Variants in MALRD1 observed in about 807,000 individuals in gnomAD.
MALRD1 encodes the protein MAM and LDL receptor class A domain containing 1, also known as MAM and LDL-receptor class A domain-containing protein 1.
A neutral mutation model predicts 242.1 loss-of-function variants in MALRD1; 247 were observed. The observed-to-expected ratio is 1.02, with a 90% CI of 0.92 to 1.13. The LOEUF is 1.13. MALRD1 is among the 50% of genes most tolerant of loss of function. The probability of loss-of-function intolerance (pLI) is 0.00; values close to 1 mark genes in which losing one functional copy is unlikely to be tolerated. For missense variants in MALRD1, 2,989 were observed against 2,533.1 expected (o/e 1.18, Z -3.86); for synonymous variants, 995 against 866.6 (o/e 1.15, Z -2.60).
At chr10:19,282,706 G>A (rs1013883855) in intron 20 of MALRD1, among the ~76,000 whole-genome samples, 1 of 152,160 alleles carries the variant, frequency 6.6e-6, no homozygotes, top group African/African-American at 2.4e-5. Context: ...GATCATGCAA[G>A]CAATGAAATT....
intron 29 of MALRD1, among the ~76,000 whole-genome samples, chr10:19,468,105 A>C (rs1401221419): frequency 2.7e-5 from 1 of 37,654 alleles, no homozygotes; most frequent in Non-Finnish European, 4.4e-5. Flanking sequence ...AGATACTTTA[A>C]AACAAAAAAA....
At chr10:19,462,454 G>A (rs769233343) in intron 29 of MALRD1, among the ~76,000 whole-genome samples, 9 of 152,206 alleles carry the variant, frequency 5.9e-5, no homozygotes, top group African/African-American at 1.2e-4. Flanking sequence ...GGATCAATCC[G>A]AGTGTTTGCC....
chr10:19,516,340 C>A (rs555073152), intron 31 of MALRD1, among the ~76,000 whole-genome samples: 1 of 152,188 alleles, frequency 6.6e-6, no homozygotes, highest in South Asian at 2.1e-4. Context: ...TTTTGGCAAT[C>A]CTGTAAGCTG....
chr10:19,664,584 CT>C (rs1466915342), intron 36 of MALRD1, among the ~76,000 whole-genome samples: 3 of 151,896 alleles, frequency 2.0e-5, no homozygotes, highest in African/African-American at 7.2e-5. Context: ...AGAATAACAT[CT>C]TTCTTTAAAT....
chr10:19,604,238 A>G (rs1037604539), intron 34 of MALRD1, among the ~76,000 whole-genome samples: 2 of 152,182 alleles, frequency 1.3e-5, no homozygotes, highest in African/African-American at 4.8e-5. Context: ...GTGGATATGG[A>G]GAAAGTTTTG....
intron 19 of MALRD1, among the ~76,000 whole-genome samples, 177 bp downstream of exon 19, chr10:19,257,948 C>A (rs10508582): frequency 0.3 from 45,028 of 151,906 alleles, 6,850 homozygotes; most frequent in African/African-American, 0.35. Context: ...AATTAGTTTT[C>A]AAGTGTCAAA....
chr10:19,423,818 AGCAGGGAGGCTGATT>A (rs1833802567), intron 28 of MALRD1, among the ~76,000 whole-genome samples: 1 of 152,196 alleles, frequency 6.6e-6, no homozygotes, highest in African/African-American at 2.4e-5. Flanking sequence ...GCCAGGATGC[AGCAGGGAGGCTGATT>A]TCAATCTGCA....
At chr10:19,259,633 A>C (rs528671056) in intron 19 of MALRD1, among the ~76,000 whole-genome samples, 1 of 152,266 alleles carries the variant, frequency 6.6e-6, no homozygotes, top group Admixed American at 6.5e-5. Flanking sequence ...ACATTTGGGA[A>C]TTATAGGAGC....
intron 2 of MALRD1, among the ~76,000 whole-genome samples, chr10:19,075,140 G>C (rs1361747275): frequency 6.6e-6 from 1 of 151,960 alleles, no homozygotes; most frequent in Non-Finnish European, 1.5e-5. Flanking sequence ...ACTACTTTAG[G>C]CTTTACAGAT....
At chr10:19,205,316 C>T (rs1320463496) in intron 17 of MALRD1, 51 bp downstream of exon 17, 9 of 1,477,116 alleles carry the variant, frequency 6.1e-6, no homozygotes, top group Non-Finnish European at 8.0e-6. Context: ...AAAGTGTTGA[C>T]CTTGATGAAT....
At chr10:19,490,381 C>G (rs991403396) in intron 29 of MALRD1, among the ~76,000 whole-genome samples, 1 of 151,484 alleles carries the variant, frequency 6.6e-6, no homozygotes, top group East Asian at 1.9e-4. Context: ...GGACATAAAC[C>G]CGGTCGATTA....
chr10:19,250,106 G>A (rs1156680922), intron 18 of MALRD1, among the ~76,000 whole-genome samples: 2 of 151,892 alleles, frequency 1.3e-5, no homozygotes, highest in Admixed American at 6.6e-5. Context: ...GAAAAAAAAT[G>A]ACATTTAAGA....
chr10:19,386,742 A>ACC (rs1846097307), intron 26 of MALRD1, among the ~76,000 whole-genome samples: 1 of 151,300 alleles, frequency 6.6e-6, no homozygotes, highest in African/African-American at 2.4e-5. Flanking sequence ...ACACACACAC[A>ACC]ATACTCTTTT....
At chr10:19,639,574 C>A (rs1840294439) in intron 36 of MALRD1, among the ~76,000 whole-genome samples, 2 of 152,180 alleles carry the variant, frequency 1.3e-5, no homozygotes. Flanking sequence ...ATTCCTGTAG[C>A]TCATGGGAAC....
chr10:19,716,980 T>C (rs902285617), intron 38 of MALRD1: 1 of 152,212 alleles, frequency 6.6e-6, no homozygotes, highest in Non-Finnish European at 1.5e-5. Flanking sequence ...GTCCTACTCA[T>C]GGTGGACAAT....
At chr10:19,404,998 G>A (rs918353219) in intron 28 of MALRD1, among the ~76,000 whole-genome samples, 17 of 152,120 alleles carry the variant, frequency 1.1e-4, no homozygotes, top group African/African-American at 3.1e-4. Flanking sequence ...GTATATTCAT[G>A]AAGAGAAGTA....
At chr10:19,608,795 A>G (rs865944001) in intron 35 of MALRD1, among the ~76,000 whole-genome samples, 43 of 152,194 alleles carry the variant, frequency 2.8e-4, no homozygotes, top group African/African-American at 8.4e-4. Flanking sequence ...CTCACAGACC[A>G]CTGCATTTTA....
At chr10:19,365,823 T>C (rs1845086224) in intron 26 of MALRD1, among the ~76,000 whole-genome samples, 1 of 152,200 alleles carries the variant, frequency 6.6e-6, no homozygotes, top group East Asian at 1.9e-4. Flanking sequence ...CAGTATAAAT[T>C]CAACTCCACC....
At chr10:19,355,843 T>TTA (rs1554838608) in intron 26 of MALRD1, among the ~76,000 whole-genome samples, 338 of 29,200 alleles carry the variant, frequency 0.012, 27 homozygotes, top group African/African-American at 0.056. Flanking sequence ...AGAACATATA[T>TTA]TATATATATA....
Sources: gnomAD v4.1 joint callset for allele counts (sites outside exome capture counted in the v4.1 genomes callset) on GRCh38, gnomAD v4.1.1 for gene constraint, MANE v1.5 for transcripts, NCBI Gene and HGNC (gene_info 2026-07-23, HGNC 2026-07-21) for gene names.